MICU2: variants seen among roughly 807,000 people sequenced by gnomAD.
MICU2 encodes the protein calcium uptake protein 2, mitochondrial.
MICU2 carries 64 observed loss-of-function variants against 60.4 expected under a neutral mutation model. That is an observed-to-expected ratio of 1.06 (90% CI 0.87 to 1.31). MICU2 has a LOEUF of 1.31. Among genes scored for constraint, MICU2 ranks in the 50% most tolerant of loss-of-function variants. The pLI, the probability that MICU2 is intolerant of heterozygous loss-of-function variation, is 0.00. For missense variants in MICU2, 569 were observed against 531.0 expected (o/e 1.07, Z -0.70); for synonymous variants, 201 against 175.0 (o/e 1.15, Z -1.17).
chr13:21,577,655 A>G (rs140786121), intron 1 of MICU2, among the ~76,000 whole-genome samples: 2,050 of 151,942 alleles, frequency 0.013, 18 homozygotes, highest in Non-Finnish European at 0.019. Flanking sequence ...ATACAAAAAA[A>G]TTAGCTAGGT....
chr13:21,535,411 GA>G (rs1566151158), intron 4 of MICU2, among the ~76,000 whole-genome samples: 1 of 152,058 alleles, frequency 6.6e-6, no homozygotes, highest in Non-Finnish European at 1.5e-5. Flanking sequence ...TCTTTCTTAA[GA>G]GTCTCAAAAT....
intron 4 of MICU2, among the ~76,000 whole-genome samples, chr13:21,526,519 C>T (rs1338077943): frequency 6.6e-6 from 1 of 151,920 alleles, no homozygotes; most frequent in African/African-American, 2.4e-5. Flanking sequence ...GCATTGTATA[C>T]TTCCATTAGG....
chr13:21,515,644 A>T (rs1418466936), intron 6 of MICU2: 2 of 364,812 alleles, frequency 5.5e-6, no homozygotes, highest in Non-Finnish European at 1.1e-5. Flanking sequence ...GATTCAAATC[A>T]ATTAGGAGAC....
At position 21,597,930 on chromosome 13, in the gene MICU2, CAAAAA is replaced by C. The variant is rs11428461; in HGVS notation, c.210+6004_210+6008del. ...TGGGCAACAGAGTGAGACTCTGTCT[CAAAAA>C]AAAAAAAAAAAAAAGAATTTCAAAG... On this transcript the variant is annotated intron_variant, in intron 1 of 11. Transcript: ENST00000382374. Among the ~76,000 whole-genome samples the C allele has an allele frequency of 2.3e-3, 198 of 84,724 alleles. 1 individual carries two copies. Among genetic ancestry groups the C allele is most frequent in the African/African-American group, 8.2e-3 (178 of 21,780 alleles). 55.6% of individuals were successfully genotyped at this position (84,724 alleles called of 152,430 possible).
intron 4 of MICU2, among the ~76,000 whole-genome samples, chr13:21,532,839 T>C (rs568017863): frequency 7.2e-5 from 11 of 151,930 alleles, no homozygotes; most frequent in South Asian, 2.1e-4. Context: ...GCTGAATGAA[T>C]GAATGAGAGG....
intron 4 of MICU2, among the ~76,000 whole-genome samples, chr13:21,526,197 T>A (rs2138173665): frequency 6.7e-6 from 1 of 148,390 alleles, no homozygotes; most frequent in Non-Finnish European, 1.5e-5. Context: ...CAAGTGATGC[T>A]CCTGCCTCAG....
At chr13:21,553,650 A>G (rs1887629594) in intron 2 of MICU2, among the ~76,000 whole-genome samples, 1 of 152,208 alleles carries the variant, frequency 6.6e-6, no homozygotes, top group African/African-American at 2.4e-5. Context: ...ACCAGCTAAC[A>G]TCATAATGAC....
rs1248748194 is a variant in MICU2 at position 21,520,228 on chromosome 13, T to C, written c.597+1017A>G. ...ACTTGATGAACATTTCGGTTGTTTCTAGTTTTGGCTATCATGAATAAAACA... is the reference window on the plus strand; with the variant it reads ...ACTTGATGAACATTTCGGTTGTTTCCAGTTTTGGCTATCATGAATAAAACA... On this transcript the variant is annotated intron_variant, in intron 6 of 11. Transcript: ENST00000382374. Among the ~76,000 whole-genome samples the C allele has an allele frequency of 2.0e-5, 3 of 152,240 alleles. No homozygotes were observed. The South Asian group carries it at 6.2e-4, about 32-fold the overall frequency.
intron 1 of MICU2, among the ~76,000 whole-genome samples, chr13:21,577,946 T>C (rs1888264745): frequency 6.6e-6 from 1 of 150,922 alleles, no homozygotes; most frequent in African/African-American, 2.4e-5. Flanking sequence ...GCCACTGCAC[T>C]CCGGCCTGGG....
At chr13:21,511,863 G>A (rs563678699) in intron 7 of MICU2, among the ~76,000 whole-genome samples, 3 of 150,062 alleles carry the variant, frequency 2.0e-5, no homozygotes, top group Non-Finnish European at 4.4e-5. Flanking sequence ...TCAGGTTGTC[G>A]TATCTTTTGC....
chr13:21,496,329 AC>A (rs1885996650), intron 9 of MICU2, 169 bp from the exon 10 acceptor site: 2 of 561,538 alleles, frequency 3.6e-6, no homozygotes, highest in East Asian at 6.2e-5. Flanking sequence ...AAATGGCCAC[AC>A]AAAGGGCACA....
At chr13:21,561,845 A>G (rs1324517705) in intron 2 of MICU2, among the ~76,000 whole-genome samples, 1 of 133,594 alleles carries the variant, frequency 7.5e-6, no homozygotes, top group Admixed American at 7.4e-5. Context: ...ATATCTCCTA[A>G]TGCTATCCCT....
intron 4 of MICU2, among the ~76,000 whole-genome samples, chr13:21,534,651 A>C (rs1378539077): frequency 4.6e-5 from 7 of 152,266 alleles, no homozygotes; most frequent in Non-Finnish European, 2.9e-5. Context: ...GGATTCACTG[A>C]AATAGATCAG....
chr13:21,548,624 C>A (rs180759103), intron 2 of MICU2, among the ~76,000 whole-genome samples: 2 of 152,222 alleles, frequency 1.3e-5, no homozygotes, highest in Non-Finnish European at 1.5e-5. Context: ...AAGGTTACAA[C>A]GGGGCTAGTG....
chr13:21,530,902 G>T, intron 4 of MICU2: 1 of 758,658 alleles, frequency 1.3e-6, no homozygotes, highest in African/African-American at 1.7e-5. Context: ...AGAATGGGCT[G>T]ATATAGATCT....
rs986796362 is a variant in MICU2 at position 21,510,050 on chromosome 13, A to G, written c.715T>C (p.Phe239Leu). The G allele has an allele frequency of 6.5e-7, 1 of 1,544,358 alleles. No homozygotes were observed. Among genetic ancestry groups the G allele is most frequent in the Non-Finnish European group, 8.7e-7 (1 of 1,151,910 alleles). The change falls in exon 8 of 12, where the codon TTT becomes CTT. Residue 239 changes from phenylalanine to leucine, a missense_variant. Physicochemically the swap from Phe to Leu is conservative, Grantham distance 22. Coordinates refer to ENST00000382374, the MANE Select transcript of MICU2 (RefSeq NM_152726.3). The stretch of plus-strand genomic sequence containing the variant: ...AGTTTTCTTTGTCCTCTTTTTCCAA[A>G]GAAACGCATCTGAAGAGTTGTGTTA... ...EINTTLQMRF[F>L]GKRGQRKLHY...
intron 2 of MICU2, among the ~76,000 whole-genome samples, chr13:21,547,913 C>G (rs1887453946): frequency 6.6e-6 from 1 of 151,988 alleles, no homozygotes; most frequent in Non-Finnish European, 1.5e-5. Flanking sequence ...GGTGAGAGGT[C>G]TGATCTGGAG....
chr13:21,598,486 C>T (rs7328926), intron 1 of MICU2, among the ~76,000 whole-genome samples: 20,711 of 152,078 alleles, frequency 0.14, 1,569 homozygotes, highest in Middle Eastern at 0.23. Flanking sequence ...GAGGCTGAGG[C>T]GGACGGATCA....
At chr13:21,503,202 C>A in intron 8 of MICU2, 105 bp from the exon 9 acceptor site, 2 of 760,932 alleles carry the variant, frequency 2.6e-6, no homozygotes, top group Non-Finnish European at 4.2e-6. Context: ...TGAGTGGCTG[C>A]CTCCTGATGG....
Sources: allele counts gnomAD v4.1 joint callset (sites outside exome capture counted in the v4.1 genomes callset), GRCh38; gene constraint gnomAD v4.1.1; transcripts MANE v1.5; gene names NCBI Gene and HGNC (gene_info 2026-07-23, HGNC 2026-07-21).